Variants in ACSL6 observed in about 807,000 individuals in gnomAD.
The protein encoded by ACSL6 is long-chain-fatty-acid--CoA ligase 6.
In ACSL6, 47 loss-of-function variants were observed where a neutral mutation model predicts 98.2. That is an observed-to-expected ratio of 0.48 (90% CI 0.38 to 0.61). The LOEUF is 0.61. Among genes scored for constraint, ACSL6 ranks in the 20% least tolerant of loss-of-function variants. The pLI is 0.00. For missense variants in ACSL6, 761 were observed against 913.4 expected, an observed-to-expected ratio of 0.83 and a Z score of 2.15; for synonymous variants, 362 against 336.9, an observed-to-expected ratio of 1.07 and a Z score of -0.82.
chr5:131,993,907 G>T, intron 2 of ACSL6, 124 bp downstream of exon 2: 1 of 1,010,678 alleles, frequency 9.9e-7, no homozygotes, highest in Non-Finnish European at 1.5e-6. Context: ...GTGGCTGACT[G>T]CCAGGGGAGA....
chr5:132,011,444 G>T lies in ACSL6; in HGVS notation c.49+61C>A. 2 of 1,562,610 alleles carry T rather than the reference G, an allele frequency of 1.3e-6. No individual in the cohort carries two copies. Among genetic ancestry groups the T allele is most frequent in the East Asian group, 4.5e-5 (2 of 44,104 alleles). Reference sequence around the variant, plus strand: ...CGGAGATGTAACACCTCCACCTCGGGCGAAGACCTCATAGCCTGCGGGAGA... The same window carrying T: ...CGGAGATGTAACACCTCCACCTCGGTCGAAGACCTCATAGCCTGCGGGAGA... On this transcript the variant is annotated intron_variant, in intron 1 of 20. Transcript: ENST00000651883. This position sits in a 1 kb window ranked among gnomAD's most constrained non-coding sequence, Gnocchi z 5.4.
At chr5:131,954,698 G>A (rs1217563772) in intron 20 of ACSL6, among the ~76,000 whole-genome samples, 1 of 152,108 alleles carries the variant, frequency 6.6e-6, no homozygotes, top group African/African-American at 2.4e-5. Context: ...GAGAAACACT[G>A]GGCAATTATC....
At chr5:131,956,389 A>G (rs954389834) in intron 20 of ACSL6, among the ~76,000 whole-genome samples, 1 of 152,232 alleles carries the variant, frequency 6.6e-6, no homozygotes, top group South Asian at 2.1e-4. Flanking sequence ...GTGGCTGTCT[A>G]TAAAATAGTT....
In ACSL6 at chr5:131,990,207, G is replaced by A. The variant is rs73786740; in HGVS notation, c.386-43C>T. 2.5e-3 allele frequency: 3,948 copies of A among 1,601,694 alleles called. 62 individuals are homozygous for A. In the African/African-American group the frequency reaches 0.04, roughly 16 times the overall value. The stretch of plus-strand genomic sequence containing the variant: ...AGCCTTGTGTCAGAGAGGGGTCAGA[G>A]TGGGTGTGCCACCTGCATCCGCCCA... On this transcript the variant is annotated intron_variant, in intron 3 of 20. Coordinates refer to ENST00000651883, the MANE Select transcript of ACSL6 (RefSeq NM_001009185.3).
chr5:132,008,735 G>C (rs1407071284), intron 1 of ACSL6, among the ~76,000 whole-genome samples: 1 of 152,188 alleles, frequency 6.6e-6, no homozygotes, highest in Non-Finnish European at 1.5e-5. Context: ...TTGGATCTTG[G>C]CCTCCCTATC....
chr5:131,990,633 C>G (rs1754452563), intron 3 of ACSL6, among the ~76,000 whole-genome samples: 1 of 152,194 alleles, frequency 6.6e-6, no homozygotes, highest in Non-Finnish European at 1.5e-5. Context: ...TAAGGTCAAG[C>G]TGCCCCAAGG....
At position 131,985,142 on chromosome 5, in the gene ACSL6, C is replaced by G. The variant is rs145068468; in HGVS notation, c.916+265G>C. 1.2e-3 allele frequency: 626 copies of G among 505,294 alleles called. 7 individuals carry two copies. Among genetic ancestry groups the G allele is most frequent in the African/African-American group, 0.012 (600 of 51,976 alleles). The allele number at this position is 505,294 out of a possible 1,614,324, so 31.3% of individuals were successfully genotyped here. On this transcript the variant is annotated intron_variant, in intron 9 of 20. Coordinates refer to ENST00000651883, the MANE Select transcript of ACSL6 (RefSeq NM_001009185.3). Reference sequence around the variant, plus strand: ...AAAGGACCTTCCCTCAGCACATGATCCAGCTGCCCATGACTCTGCTGACTC... The same window carrying G: ...AAAGGACCTTCCCTCAGCACATGATGCAGCTGCCCATGACTCTGCTGACTC...
chr5:131,950,297 C>G lies in ACSL6; in HGVS notation c.*3937G>C, dbSNP rs1288929331. ...CCATTTGGTACCAAGTTTAGAAATG[C>G]TCACATTTCAAATATTTATCTACTG... On this transcript the variant is annotated 3_prime_UTR_variant, in exon 21 of 21. Transcript: ENST00000651883. The G allele has an allele frequency of 4.9e-6, 1 of 204,678 alleles. No individual in the cohort carries two copies. The highest frequency in any genetic ancestry group is 2.3e-5 in the African/African-American group (1 of 43,742). 12.7% of individuals were successfully genotyped at this position (204,678 alleles called of 1,614,324 possible).
At chr5:131,987,979 T>A (rs1480255494) in intron 7 of ACSL6, 69 bp downstream of exon 7, 5 of 1,576,908 alleles carry the variant, frequency 3.2e-6, no homozygotes, top group Non-Finnish European at 4.3e-6. Flanking sequence ...GAGGGACAGA[T>A]AACCAGAAGT....
At position 131,989,893 on chromosome 5, in the gene ACSL6, C is replaced by G. The variant is rs372143304; in HGVS notation, c.450+207G>C. 6.2e-4 allele frequency among the ~76,000 whole-genome samples: 95 copies of G among 152,326 alleles called. 1 individual carries two copies. The highest frequency in any genetic ancestry group is 2.1e-3 in the African/African-American group (87 of 41,578). Reference sequence around the variant, plus strand: ...ACAGGCATGAGCCACCACGCCCAGCCGGGATTCTTATAGATCTGAGGGACC... The same window carrying G: ...ACAGGCATGAGCCACCACGCCCAGCGGGGATTCTTATAGATCTGAGGGACC... On this transcript the variant is annotated intron_variant, in intron 4 of 20. Coordinates refer to ENST00000651883, the MANE Select transcript of ACSL6 (RefSeq NM_001009185.3).
intron 7 of ACSL6, among the ~76,000 whole-genome samples, chr5:131,987,758 G>T (rs1172098333): frequency 3.3e-5 from 5 of 152,178 alleles, no homozygotes; most frequent in African/African-American, 7.2e-5. Flanking sequence ...AGCTCCAGAG[G>T]CTGTGTGAGT....
At chr5:131,984,023 A>T (rs1281065191) in intron 9 of ACSL6, 1 of 152,282 alleles carries the variant, frequency 6.6e-6, no homozygotes, top group African/African-American at 2.4e-5. Context: ...CCATGTCACC[A>T]AAAATTCACA....
At chr5:131,965,300 G>C (rs1414011568) in intron 17 of ACSL6, among the ~76,000 whole-genome samples, 1 of 152,196 alleles carries the variant, frequency 6.6e-6, no homozygotes, top group Non-Finnish European at 1.5e-5. Context: ...CCGTTTTCTG[G>C]TCAAAGCATT....
chr5:131,968,229 T>G (rs1753123240), intron 15 of ACSL6: 1 of 535,382 alleles, frequency 1.9e-6, no homozygotes, highest in Non-Finnish European at 3.3e-6. Context: ...AATCTCTGCC[T>G]GGGCATTTGT....
chr5:132,004,808 C>T (rs1755302855), intron 1 of ACSL6, among the ~76,000 whole-genome samples: 1 of 152,158 alleles, frequency 6.6e-6, no homozygotes, highest in South Asian at 2.1e-4. Context: ...TCCCTGCCAC[C>T]ACAGACAGAC....
At chr5:131,978,872 T>C (rs1561791658) in intron 9 of ACSL6, among the ~76,000 whole-genome samples, 2 of 152,186 alleles carry the variant, frequency 1.3e-5, no homozygotes, top group Admixed American at 1.3e-4. Context: ...ATCTTTGAAT[T>C]CAAGAGACAA....
chr5:132,011,786 T>C, upstream of ACSL6: 1 of 1,367,942 alleles, frequency 7.3e-7, no homozygotes, highest in Non-Finnish European at 9.5e-7. The surrounding 1 kb of genome is among the most constrained non-coding windows in gnomAD (Gnocchi z 5.4). Context: ...CCCTGCAGCC[T>C]GGCCGGCCGG....
rs769452543 is a variant in ACSL6 at position 131,973,372 on chromosome 5, A to T, written c.1097T>A (p.Val366Asp). ...QSVVYCHGGR[V>D]GFFQGDIRLL... The stretch of plus-strand genomic sequence containing the variant: ...GCGGATATCTCCCTGGAAGAAGCCA[A>T]CACGCCCTCCGTGGCAATAGACGAC... Residue 366 changes from valine to aspartate, a missense_variant, in exon 12 of 21, where the codon GTT (valine) becomes GAT (aspartate). Transcript: ENST00000651883. 1 of 1,614,208 alleles carries T rather than the reference A, an allele frequency of 6.2e-7. No individual in the cohort carries two copies. The highest frequency in any genetic ancestry group is 8.5e-7 in the Non-Finnish European group (1 of 1,180,014).
At chr5:131,962,051 C>T (rs1022234875) in intron 18 of ACSL6, among the ~76,000 whole-genome samples, 115 of 149,632 alleles carry the variant, frequency 7.7e-4, no homozygotes, top group African/African-American at 2.7e-3. Flanking sequence ...TGGTGGTGTG[C>T]ACCTGTAGTC....
Sources: gnomAD v4.1 joint callset for allele counts (sites outside exome capture counted in the v4.1 genomes callset) on GRCh38, gnomAD v4.1.1 for gene constraint, Gnocchi (gnomAD v3.1) non-coding constraint, MANE v1.5 for transcripts, NCBI Gene and HGNC (gene_info 2026-07-23, HGNC 2026-07-21) for gene names.